The following ARL2BP variants were observed in gnomAD, a reference collection of about 807,000 sequenced individuals.
ARL2BP encodes ARF like GTPase 2 binding protein, also known as ADP-ribosylation factor-like protein 2-binding protein.
A neutral mutation model predicts 24.2 loss-of-function variants in ARL2BP; 19 were observed. The observed-to-expected ratio is 0.79, with a 90% CI of 0.55 to 1.15. The LOEUF (loss-of-function observed/expected upper bound fraction) is 1.15. Ranked by LOEUF, ARL2BP falls within the 50% of genes most tolerant of loss-of-function variation. The pLI is 0.00. For synonymous variants in ARL2BP, 56 were observed against 70.5 expected (o/e 0.79, Z 1.03); for missense variants, 160 against 190.4 (o/e 0.84, Z 0.94).
At position 57,248,537 on chromosome 16, in the gene ARL2BP, A is replaced by G. The variant is rs750123343; in HGVS notation, c.101A>G (p.Asp34Gly). The G allele has an allele frequency of 6.3e-7, 1 of 1,586,918 alleles. No homozygotes were observed. The highest frequency in any genetic ancestry group is 1.2e-5 in the South Asian group (1 of 86,414). The change falls in exon 3 of 6, where the codon GAT becomes GGT. Residue 34 changes from aspartate to glycine, a missense_variant and splice_region_variant. Transcript: ENST00000219204. ...VVGYLEDIIM[D>G]DEFQLLQRNF... ...ATAAATTTTCCCCACTGTGGTTCAGATGACGAGTTCCAGTTATTACAGAGA... is the reference window on the plus strand; with the variant it reads ...ATAAATTTTCCCCACTGTGGTTCAGGTGACGAGTTCCAGTTATTACAGAGA...
At chr16:57,246,309 A>C (rs2075390345) in intron 2 of ARL2BP, 168 bp downstream of exon 2, 1 of 669,576 alleles carries the variant, frequency 1.5e-6, no homozygotes. Flanking sequence ...TCTTAGAAAC[A>C]AACAGCCCAG....
intron 5 of ARL2BP, 66 bp from the exon 6 acceptor site, chr16:57,252,100 A>G (rs2075410096): frequency 6.9e-7 from 1 of 1,455,436 alleles, no homozygotes; most frequent in Non-Finnish European, 9.6e-7. Flanking sequence ...TGCCTTCCCC[A>G]TGTCAGAGGC....
chr16:57,246,028 AT>A lies in ARL2BP; in HGVS notation c.39-45del, dbSNP rs552593136. 352 of 1,585,418 alleles carry A rather than the reference AT, an allele frequency of 2.2e-4. 1 individual carries two copies. In the African/African-American group the frequency reaches 4.2e-3, roughly 19 times the overall value. On this transcript the variant is annotated intron_variant, in intron 1 of 5. Transcript: ENST00000219204. ...GTTTGAAAACGTCCATACTAAAAAC[AT>A]TTTTTTAATGCATTATTTGAAATAG...
chr16:57,250,254 C>T, intron 4 of ARL2BP, 157 bp from the exon 5 acceptor site: 1 of 652,458 alleles, frequency 1.5e-6, no homozygotes, highest in South Asian at 1.8e-5. Flanking sequence ...TGCACCCCTG[C>T]ACTCCTGCCT....
At chr16:57,251,969 A>C in intron 5 of ARL2BP, 197 bp from the exon 6 acceptor site, 1 of 540,162 alleles carries the variant, frequency 1.9e-6, no homozygotes, top group Non-Finnish European at 3.3e-6. Context: ...TACCTCTTTA[A>C]AAATAATATT....
chr16:57,248,765 C>A, intron 3 of ARL2BP, 122 bp downstream of exon 3: 1 of 506,522 alleles, frequency 2.0e-6, no homozygotes. Flanking sequence ...TCCAGGAATC[C>A]TCATTAGCAT....
Position 57,249,796 on chromosome 16 carries a change from A to G in ARL2BP, c.237A>G (p.Glu79=). ...CTTTGGTAGAAAAATACATTGAAGA[A>G]CAGCTGCTGCAGCGGATTCCTGAGT... is the stretch of plus-strand genomic sequence containing the variant. ...YISLVEKYIE[E]QLLQRIPEFN... is the part of the protein sequence containing the mutation. Residue 79 remains glutamate (E), a synonymous_variant, in exon 4 of 6, where the codon GAA becomes GAG. Coordinates refer to ENST00000219204, the MANE Select transcript of ARL2BP (RefSeq NM_012106.4). 1 of 1,614,202 alleles carries G rather than the reference A, an allele frequency of 6.2e-7. No individual in the cohort carries two copies. The highest frequency in any genetic ancestry group is 8.5e-7 in the Non-Finnish European group (1 of 1,180,030).
At chr16:57,248,376 C>A (rs1270033278) in intron 2 of ARL2BP, 161 bp from the exon 3 acceptor site, 1 of 370,004 alleles carries the variant, frequency 2.7e-6, no homozygotes, top group Non-Finnish European at 5.0e-6. Flanking sequence ...GGGCTATTTC[C>A]ACATCAGGGT....
chr16:57,248,019 A>G (rs574695628), intron 2 of ARL2BP, among the ~76,000 whole-genome samples: 2 of 152,284 alleles, frequency 1.3e-5, no homozygotes, highest in Admixed American at 1.3e-4. Context: ...ACCACAATTT[A>G]AAAAGAAAAC....
At position 57,246,665 on chromosome 16, in the gene ARL2BP, G is replaced by T. The variant is rs976982201; in HGVS notation, c.100+524G>T. Reference sequence around the variant, plus strand: ...AAAATACAAAAAAAATTAGCCGGGCGTGGTAGCGGGCGCCTGTAGTCCCAG... The same window carrying T: ...AAAATACAAAAAAAATTAGCCGGGCTTGGTAGCGGGCGCCTGTAGTCCCAG... On this transcript the variant is annotated intron_variant, in intron 2 of 5. Transcript: ENST00000219204. Among the ~76,000 whole-genome samples the T allele has an allele frequency of 2.0e-5, 3 of 152,128 alleles. 1 individual carries two copies. Among genetic ancestry groups the T allele is most frequent in the Admixed American group, 1.3e-4 (2 of 15,284 alleles).
chr16:57,250,243 T>A, intron 4 of ARL2BP, 168 bp from the exon 5 acceptor site: 1 of 631,580 alleles, frequency 1.6e-6, no homozygotes, highest in Admixed American at 2.7e-5. Flanking sequence ...TGAGCTATAA[T>A]TGCACCCCTG....
At chr16:57,246,268 T>C in intron 2 of ARL2BP, 127 bp downstream of exon 2, 1 of 892,602 alleles carries the variant, frequency 1.1e-6, no homozygotes, top group South Asian at 1.5e-5. Context: ...TAGCACAATG[T>C]AATACTTAAG....
chr16:57,253,044 G>C lies in ARL2BP; in HGVS notation c.*777G>C, dbSNP rs1218345728. ...CTTAAAGATCAAAGTATTATATGCT[G>C]TGTGCTTTTTAGGTGTTTGTTAGTA... On this transcript the variant is annotated 3_prime_UTR_variant, in exon 6 of 6. Transcript: ENST00000219204. 6.5e-6 allele frequency: 1 copy of C among 152,676 alleles called. No homozygotes were observed. Among genetic ancestry groups the C allele is most frequent in the Admixed American group, 6.5e-5 (1 of 15,282 alleles). 9.5% of individuals were successfully genotyped at this position (152,676 alleles called of 1,614,324 possible).
intron 1 of ARL2BP, 141 bp downstream of exon 1, chr16:57,245,546 C>A: frequency 9.0e-7 from 1 of 1,117,144 alleles, no homozygotes; most frequent in Non-Finnish European, 1.3e-6. Context: ...AAGGCGCCGT[C>A]CCAGCTCCAG....
rs9843 is a variant in ARL2BP, at chr16:57,253,077, G to A, written c.*810G>A. 5,148 of 152,692 alleles carry A rather than the reference G, an allele frequency of 0.034. 99 individuals are homozygous for A. Among genetic ancestry groups the A allele is most frequent in the Middle Eastern group, 0.1 (30 of 292 alleles). The allele number at this position is 152,692 out of a possible 1,614,324, so 9.5% of individuals were successfully genotyped here. ...TTTAGGTGTTTGTTAGTACTGTGAA[G>A]GCAAAAATGCTTTCTACATTGACAT... On this transcript the variant is annotated 3_prime_UTR_variant, in exon 6 of 6. Coordinates refer to ENST00000219204, the MANE Select transcript of ARL2BP (RefSeq NM_012106.4).
chr16:57,246,002 T>A (rs1189725681), intron 1 of ARL2BP, 78 bp from the exon 2 acceptor site: 1 of 1,389,598 alleles, frequency 7.2e-7, no homozygotes, highest in African/African-American at 1.4e-5. Flanking sequence ...CTCTTGTGCA[T>A]GTTTGAAAAC....
chr16:57,251,170 G>A (rs934675085), intron 5 of ARL2BP: 1 of 152,220 alleles, frequency 6.6e-6, no homozygotes. Flanking sequence ...GGCCGAGGCA[G>A]GCAGATGGCT....
rs1456065403 is a variant in ARL2BP at position 57,250,341 on chromosome 16, G to GA, written c.294-65dup. ...GGGGGTGGGGCTGGGGTGGTGGAAA[G>GA]AAAAACGAAAGCAATCTTGAGGACT... On this transcript the variant is annotated intron_variant, in intron 4 of 5. Coordinates refer to ENST00000219204, the MANE Select transcript of ARL2BP (RefSeq NM_012106.4). 2.0e-5 allele frequency: 29 copies of GA among 1,441,772 alleles called. No individual in the cohort carries two copies. In the African/African-American group the frequency reaches 3.6e-4, roughly 18 times the overall value. The allele number at this position is 1,441,772 out of a possible 1,614,324, so 89.3% of individuals were successfully genotyped here.
intron 5 of ARL2BP, chr16:57,251,874 A>G (rs921865517): frequency 1.4e-4 from 47 of 328,124 alleles, no homozygotes; most frequent in Non-Finnish European, 2.3e-4. Context: ...CTGAGGCAGG[A>G]GGACCACTTG....
Sources: gnomAD v4.1 joint callset for allele counts (sites outside exome capture counted in the v4.1 genomes callset) on GRCh38, gnomAD v4.1.1 for gene constraint, MANE v1.5 for transcripts, NCBI Gene and HGNC (gene_info 2026-07-23, HGNC 2026-07-21) for gene names.